INTS3: variants seen among roughly 807,000 people sequenced by gnomAD.
INTS3 encodes the protein integrator complex subunit 3, also known as SOSS complex subunit A.
Under a neutral mutation model 146.3 loss-of-function variants are expected in INTS3, and 34 were observed. The observed-to-expected ratio is 0.23, with a 90% CI of 0.18 to 0.31. INTS3 has a LOEUF of 0.31. Ranked by LOEUF, INTS3 falls within the 10% of genes least tolerant of loss-of-function variation. The pLI is 1.00. For missense variants in INTS3, 757 were observed against 1,304.2 expected (o/e 0.58, Z 6.46); for synonymous variants, 475 against 494.9 (o/e 0.96, Z 0.53).
intron 3 of INTS3, among the ~76,000 whole-genome samples, chr1:153,745,331 AT>A (rs1255258930): frequency 2.0e-5 from 3 of 151,684 alleles, no homozygotes; most frequent in Non-Finnish European, 4.4e-5. Flanking sequence ...TAATTTTTGT[AT>A]TTTTAGTAGA....
chr1:153,764,409 G>A (rs1462477462), intron 18 of INTS3, among the ~76,000 whole-genome samples, 188 bp downstream of exon 18: 1 of 152,212 alleles, frequency 6.6e-6, no homozygotes, highest in East Asian at 1.9e-4. Context: ...TACTGGGGAG[G>A]TTGACACCTC....
chr1:153,769,976 G>T, intron 23 of INTS3, 132 bp downstream of exon 23: 1 of 732,852 alleles, frequency 1.4e-6, no homozygotes, highest in Non-Finnish European at 2.4e-6. Flanking sequence ...CTCCACCCTG[G>T]TGCGGTCTGG....
At chr1:153,733,299 G>A (rs189925709) in intron 1 of INTS3, among the ~76,000 whole-genome samples, 239 of 113,914 alleles carry the variant, frequency 2.1e-3, no homozygotes, top group African/African-American at 7.6e-3. Flanking sequence ...TGCAACCTCC[G>A]CCCCCTGGGT....
chr1:153,771,357 GT>G (rs1672857452), intron 25 of INTS3, among the ~76,000 whole-genome samples: 1 of 152,222 alleles, frequency 6.6e-6, no homozygotes, highest in South Asian at 2.1e-4. Context: ...CCTAGAGGAA[GT>G]GGGAAGCTTG....
chr1:153,757,831 T>C lies in INTS3; in HGVS notation c.1149+68T>C, dbSNP rs1367298690. Reference sequence around the variant, plus strand: ...TGGTGTTCCCATGTTTCCATTCTTCTTCCTGACTCCAGGGCCACTTGACCC... The same window carrying C: ...TGGTGTTCCCATGTTTCCATTCTTCCTCCTGACTCCAGGGCCACTTGACCC... On this transcript the variant is annotated intron_variant, in intron 10 of 29. Coordinates refer to ENST00000318967, the MANE Select transcript of INTS3 (RefSeq NM_023015.5). This position sits in a 1 kb window ranked among gnomAD's most constrained non-coding sequence, Gnocchi z 4.0. 1.3e-5 allele frequency: 19 copies of C among 1,410,760 alleles called. No homozygotes were observed. The highest frequency in any genetic ancestry group is 1.7e-5 in the Admixed American group (1 of 57,712). 87.4% of individuals were successfully genotyped at this position (1,410,760 alleles called of 1,614,324 possible). A position where few individuals can be genotyped will look rare whatever the true frequency, so the allele number is the denominator to read the frequency against.
intron 1 of INTS3, among the ~76,000 whole-genome samples, chr1:153,736,402 T>C (rs890885501): frequency 8.5e-5 from 13 of 152,076 alleles, no homozygotes; most frequent in African/African-American, 3.1e-4. Context: ...AGGATAGACA[T>C]AGGCAACCTG....
At chr1:153,749,049 G>C (rs938189294) in intron 6 of INTS3, among the ~76,000 whole-genome samples, 3 of 152,146 alleles carry the variant, frequency 2.0e-5, no homozygotes, top group Non-Finnish European at 4.4e-5. Context: ...ATCTTAGGGG[G>C]AAGTTGGGGA....
chr1:153,748,784 A>C, intron 6 of INTS3, 29 bp downstream of exon 6: 1 of 1,573,024 alleles, frequency 6.4e-7, no homozygotes, highest in Non-Finnish European at 8.8e-7. Context: ...GGTGGGGTAC[A>C]GGCCAGATAA....
At chr1:153,746,442 C>T (rs1052321410) in intron 3 of INTS3, among the ~76,000 whole-genome samples, 2 of 151,606 alleles carry the variant, frequency 1.3e-5, no homozygotes, top group Admixed American at 1.3e-4. Flanking sequence ...CAGGCTAGAC[C>T]CAGGCTAGAG....
Position 153,772,082 on chromosome 1 carries a change from G to A in INTS3, c.2720+119G>A. 1 of 1,163,352 alleles carries A rather than the reference G, an allele frequency of 8.6e-7. No individual in the cohort carries two copies. Among genetic ancestry groups the A allele is most frequent in the Non-Finnish European group, 1.2e-6 (1 of 833,596 alleles). 72.1% of individuals were successfully genotyped at this position (1,163,352 alleles called of 1,614,324 possible). ...GGTCAGTGCTGTCCCAGCCTGGTTT[G>A]TGGGCGACATCTAGTGGTCCGAAGC... On this transcript the variant is annotated intron_variant, in intron 26 of 29. Coordinates refer to ENST00000318967, the MANE Select transcript of INTS3 (RefSeq NM_023015.5). The surrounding 1 kb of genome is among the most constrained non-coding windows in gnomAD (Gnocchi z 4.6).
In INTS3 at chr1:153,774,591, A is replaced by G. The variant is rs1418964864; in HGVS notation, c.*1321A>G. 2 of 155,594 alleles carry G rather than the reference A, an allele frequency of 1.3e-5. No individual in the cohort carries two copies. Among genetic ancestry groups the G allele is most frequent in the African/African-American group, 2.4e-5 (1 of 41,476 alleles). The allele number at this position is 155,594 out of a possible 1,614,324, so 9.6% of individuals were successfully genotyped here. ...CTATGCTGTTGTTCCCCCGCTGTCC[A>G]GGGAGAATGGAGGTGGACTGAGGAG... On this transcript the variant is annotated 3_prime_UTR_variant, in exon 30 of 30. Transcript: ENST00000318967.
intron 17 of INTS3, 53 bp from the exon 18 acceptor site, chr1:153,764,065 C>T (rs1672486529): frequency 6.9e-7 from 1 of 1,448,638 alleles, no homozygotes; most frequent in East Asian, 2.3e-5. Context: ...ATCGTGGGGG[C>T]AGGAGGGCTT....
At chr1:153,733,953 A>G (rs915399486) in intron 1 of INTS3, among the ~76,000 whole-genome samples, 2 of 152,136 alleles carry the variant, frequency 1.3e-5, no homozygotes, top group Non-Finnish European at 2.9e-5. Flanking sequence ...GGGAGGGGAA[A>G]TGGAAAGGTT....
chr1:153,743,858 T>C (rs1671628941), intron 3 of INTS3, among the ~76,000 whole-genome samples: 1 of 151,998 alleles, frequency 6.6e-6, no homozygotes, highest in Non-Finnish European at 1.5e-5. Context: ...CCCAGGCAGC[T>C]CTTGGTCTAG....
Position 153,772,794 on chromosome 1 carries a change from A to C in INTS3, c.2894+83A>C. 1 of 1,578,860 alleles carries C rather than the reference A, an allele frequency of 6.3e-7. No homozygotes were observed. ...GGAAGCCTGCTAGGGACATAAACGT[A>C]ATGGCCAGCAAGACCTTAGGGTCCA... On this transcript the variant is annotated intron_variant, in intron 28 of 29. Transcript: ENST00000318967. The surrounding 1 kb of genome is among the most constrained non-coding windows in gnomAD (Gnocchi z 4.6).
intron 11 of INTS3, 59 bp downstream of exon 11, chr1:153,759,672 C>CA: frequency 1.9e-6 from 2 of 1,068,672 alleles, no homozygotes; most frequent in Non-Finnish European, 2.9e-6. Context: ...CCACTGCCTT[C>CA]CTTAGTGATA....
chr1:153,760,997 C>T (rs989187054), intron 13 of INTS3, 79 bp downstream of exon 13: 3 of 1,568,454 alleles, frequency 1.9e-6, no homozygotes, highest in Non-Finnish European at 1.7e-6. Context: ...TGCCATAGCA[C>T]TGCTGGCCCT....
rs1159119225 is a variant in INTS3 at position 153,763,234 on chromosome 1, A to G, written c.1638A>G (p.Gly546=). 4 of 1,614,206 alleles carry G rather than the reference A, an allele frequency of 2.5e-6. No individual in the cohort carries two copies. In the East Asian group the frequency reaches 8.9e-5, roughly 36 times the overall value. ...SDDEEDLNSK[G]KKREFRFHPI... is the part of the protein sequence containing the mutation. ...TCTTTCCCAAATCACTCCCTTTAGG[A>G]AAGAAGAGGGAGTTTCGCTTCCACC... Residue 546 remains glycine (G), a splice_region_variant and synonymous_variant, in exon 16 of 30, where the codon GGA becomes GGG. Transcript: ENST00000318967.
Position 153,757,630 on chromosome 1 carries a change from C to T in INTS3, c.1016C>T (p.Thr339Ile), listed in dbSNP as rs745612147. The T allele has an allele frequency of 1.2e-6, 2 of 1,614,082 alleles. No individual in the cohort carries two copies. Among genetic ancestry groups the T allele is most frequent in the South Asian group, 1.1e-5 (1 of 91,086 alleles). The change falls in exon 10 of 30, where the codon ACT becomes ATT. Residue 339 changes from threonine (T) to isoleucine (I), a missense_variant. Physicochemically the swap from Thr to Ile is moderately conservative, Grantham distance 89. Coordinates refer to ENST00000318967, the MANE Select transcript of INTS3 (RefSeq NM_023015.5). The surrounding 1 kb of genome is among the most constrained non-coding windows in gnomAD (Gnocchi z 4.0). The stretch of plus-strand genomic sequence containing the variant: ...TGGTTCCAGCGCCAGTACCTGTCAA[C>T]TCCAGATAGTCAGTCTCTGCGCTGT... ...QDWFQRQYLS[T>I]PDSQSLRCDL...
Sources: gnomAD v4.1 joint callset for allele counts (sites outside exome capture counted in the v4.1 genomes callset) on GRCh38, gnomAD v4.1.1 for gene constraint, Gnocchi (gnomAD v3.1) non-coding constraint, MANE v1.5 for transcripts, NCBI Gene and HGNC (gene_info 2026-07-23, HGNC 2026-07-21) for gene names.